The following SLC9A9 variants were observed in gnomAD, a reference collection of about 807,000 sequenced individuals.
The protein encoded by SLC9A9 is solute carrier family 9 member A9.
A neutral mutation model predicts 77.8 loss-of-function variants in SLC9A9; 62 were observed. The ratio of observed to expected loss-of-function variants is 0.80; its 90% confidence interval spans 0.65 to 0.98. The LOEUF is 0.98. SLC9A9 is among the 50% of genes least tolerant of loss of function. SLC9A9 has a pLI of 0.00. For missense variants in SLC9A9, 775 were observed against 774.9 expected, an observed-to-expected ratio of 1.00 and a Z score of 0.00; for synonymous variants, 320 against 283.5, an observed-to-expected ratio of 1.13 and a Z score of -1.29.
chr3:143,295,715 T>C (rs374330050), intron 14 of SLC9A9, among the ~76,000 whole-genome samples: 7 of 152,262 alleles, frequency 4.6e-5, no homozygotes, highest in African/African-American at 1.7e-4. Context: ...CTCTTGTAGG[T>C]CATTTCTCCC....
chr3:143,381,739 T>C, intron 13 of SLC9A9, among the ~76,000 whole-genome samples: 1 of 152,228 alleles, frequency 6.6e-6, no homozygotes, highest in East Asian at 1.9e-4. Context: ...TTCACTGAGT[T>C]GGCTAGCTAG....
chr3:143,274,133 A>C (rs1167840440), intron 14 of SLC9A9, among the ~76,000 whole-genome samples: 3 of 152,214 alleles, frequency 2.0e-5, no homozygotes, highest in African/African-American at 7.2e-5. Flanking sequence ...TTGTGGAAGA[A>C]GACTTTTTGC....
At chr3:143,832,745 G>A (rs2009469429) in intron 1 of SLC9A9, among the ~76,000 whole-genome samples, 1 of 148,172 alleles carries the variant, frequency 6.7e-6, no homozygotes, top group Admixed American at 6.8e-5. Flanking sequence ...GGTTATCTGT[G>A]ACCATAAGTA....
chr3:143,281,559 G>A (rs1002208886), intron 14 of SLC9A9, among the ~76,000 whole-genome samples: 2 of 152,116 alleles, frequency 1.3e-5, no homozygotes, highest in African/African-American at 4.8e-5. Context: ...CCAACTCTTT[G>A]GGATGAGTTG....
chr3:143,519,980 T>C (rs1217274744), intron 9 of SLC9A9, among the ~76,000 whole-genome samples: 1 of 152,058 alleles, frequency 6.6e-6, no homozygotes, highest in Non-Finnish European at 1.5e-5. Flanking sequence ...ATAATAGATA[T>C]AGAAGGCAAA....
intron 4 of SLC9A9, among the ~76,000 whole-genome samples, chr3:143,705,872 A>T (rs1270043363): frequency 6.6e-6 from 1 of 152,218 alleles, no homozygotes; most frequent in Non-Finnish European, 1.5e-5. Flanking sequence ...TGCAAAGGTG[A>T]ATCAGACACA....
At chr3:143,538,851 T>C (rs1383006862) in intron 9 of SLC9A9, among the ~76,000 whole-genome samples, 5 of 152,242 alleles carry the variant, frequency 3.3e-5, no homozygotes, top group Non-Finnish European at 5.9e-5. Context: ...CACAGATCTC[T>C]AGGGGAAAAG....
intron 8 of SLC9A9, among the ~76,000 whole-genome samples, chr3:143,565,562 A>C (rs2037154012): frequency 6.6e-6 from 1 of 152,168 alleles, no homozygotes; most frequent in South Asian, 2.1e-4. Context: ...ATGAGTTATT[A>C]TGCGAGAAGA....
chr3:143,489,786 A>G (rs1430461589), intron 11 of SLC9A9, among the ~76,000 whole-genome samples: 2 of 152,074 alleles, frequency 1.3e-5, no homozygotes, highest in Non-Finnish European at 2.9e-5. Context: ...TGTCTGATAA[A>G]GGATCAGTAT....
chr3:143,435,895 A>C (rs1407422793), intron 12 of SLC9A9, among the ~76,000 whole-genome samples: 1 of 152,188 alleles, frequency 6.6e-6, no homozygotes, highest in East Asian at 1.9e-4. Flanking sequence ...AGTTACACAC[A>C]AAACAGGATT....
At chr3:143,427,240 GCATT>G (rs2108532790) in intron 12 of SLC9A9, among the ~76,000 whole-genome samples, 1 of 152,296 alleles carries the variant, frequency 6.6e-6, no homozygotes, top group South Asian at 2.1e-4. Flanking sequence ...CTTGTGTAAA[GCATT>G]CATGCACATA....
intron 8 of SLC9A9, among the ~76,000 whole-genome samples, chr3:143,566,345 G>C (rs1361818650): frequency 6.6e-6 from 1 of 152,138 alleles, no homozygotes; most frequent in Non-Finnish European, 1.5e-5. Context: ...AAGGGATTGA[G>C]ATGATTTAAC....
chr3:143,601,815 G>A (rs182542897), intron 6 of SLC9A9, among the ~76,000 whole-genome samples: 11 of 152,216 alleles, frequency 7.2e-5, no homozygotes, highest in African/African-American at 2.6e-4. Context: ...CTTTTCTGGA[G>A]GAAACACCTT....
At chr3:143,782,645 T>C (rs558567397) in intron 4 of SLC9A9, among the ~76,000 whole-genome samples, 1 of 152,304 alleles carries the variant, frequency 6.6e-6, no homozygotes, top group East Asian at 1.9e-4. Flanking sequence ...ACCAAAAAAA[T>C]GCACCTAAAG....
intron 14 of SLC9A9, among the ~76,000 whole-genome samples, chr3:143,341,663 T>C (rs2032102389): frequency 6.6e-6 from 1 of 152,148 alleles, no homozygotes; most frequent in South Asian, 2.1e-4. Context: ...TTCAAATAAA[T>C]TAAAATTTTG....
chr3:143,819,857 G>A (rs2009121931), intron 2 of SLC9A9, among the ~76,000 whole-genome samples: 1 of 152,076 alleles, frequency 6.6e-6, no homozygotes, highest in Admixed American at 6.5e-5. Flanking sequence ...TTAAGTATTT[G>A]TGCACACCTC....
At chr3:143,750,856 G>A (rs771554738) in intron 4 of SLC9A9, among the ~76,000 whole-genome samples, 116 of 151,650 alleles carry the variant, frequency 7.6e-4, no homozygotes, top group Non-Finnish European at 1.4e-3. Context: ...AAAGAATTTC[G>A]CAAGAACATC....
intron 12 of SLC9A9, among the ~76,000 whole-genome samples, chr3:143,456,877 A>C (rs182418082): frequency 6.6e-6 from 1 of 152,210 alleles, no homozygotes; most frequent in African/African-American, 2.4e-5. Context: ...CTATATTTTT[A>C]ATAGATACAG....
chr3:143,697,536 G>A (rs1348960906), intron 4 of SLC9A9, among the ~76,000 whole-genome samples: 1 of 152,020 alleles, frequency 6.6e-6, no homozygotes, highest in Non-Finnish European at 1.5e-5. Context: ...AGAAAAGTAA[G>A]ACTCAGAGAG....
Sources: gnomAD v4.1 joint callset for allele counts (sites outside exome capture counted in the v4.1 genomes callset) on GRCh38, gnomAD v4.1.1 for gene constraint, MANE v1.5 for transcripts, NCBI Gene and HGNC (gene_info 2026-07-23, HGNC 2026-07-21) for gene names.